GALNT12: variants seen among roughly 807,000 people sequenced by gnomAD.
The protein encoded by GALNT12 is polypeptide N-acetylgalactosaminyltransferase 12, also known as UDP-GalNAc:polypeptide N-acetylgalactosaminyltransferase 12.
GALNT12 carries 45 observed loss-of-function variants against 55.5 expected under a neutral mutation model. The ratio of observed to expected loss-of-function variants is 0.81; its 90% CI spans 0.64 to 1.04. The LOEUF (loss-of-function observed/expected upper bound fraction) is 1.04. GALNT12 is among the 50% of genes least tolerant of loss of function. The probability of loss-of-function intolerance (pLI) is 0.00; values close to 1 mark genes in which losing one functional copy is unlikely to be tolerated. For missense variants in GALNT12, 709 were observed against 754.8 expected (o/e 0.94, Z 0.71); for synonymous variants, 304 against 312.2 (o/e 0.97, Z 0.28).
At chr9:98,841,841 T>A (rs1223215760) in intron 7 of GALNT12, among the ~76,000 whole-genome samples, 1 of 151,792 alleles carries the variant, frequency 6.6e-6, no homozygotes, top group Non-Finnish European at 1.5e-5. Context: ...TGGCTAATTT[T>A]TTTTTTTTGT....
chr9:98,838,170 T>A (rs1836198871), intron 6 of GALNT12, among the ~76,000 whole-genome samples: 1 of 152,232 alleles, frequency 6.6e-6, no homozygotes. Flanking sequence ...GTTAGCACCC[T>A]GGAAGCTTCC....
intron 3 of GALNT12, among the ~76,000 whole-genome samples, chr9:98,827,804 T>C (rs1328908016): frequency 6.6e-6 from 1 of 152,204 alleles, no homozygotes; most frequent in African/African-American, 2.4e-5. Context: ...TGCTTTTTAA[T>C]ATGTCTGGTT....
At chr9:98,848,682 T>C in intron 9 of GALNT12, 1 of 495,040 alleles carries the variant, frequency 2.0e-6, no homozygotes, top group Non-Finnish European at 3.7e-6. Flanking sequence ...GGAAGCCAAA[T>C]GCAATAGGGA....
intron 1 of GALNT12, among the ~76,000 whole-genome samples, chr9:98,816,389 G>GA (rs11423472): frequency 0.66 from 86,651 of 130,858 alleles, 27,527 homozygotes; most frequent in African/African-American, 0.75. Context: ...ATTAAAAAAA[G>GA]AAAAAAAAAA....
At chr9:98,845,931 C>T (rs927896334) in intron 8 of GALNT12, 46 bp from the exon 9 acceptor site, 3 of 1,606,120 alleles carry the variant, frequency 1.9e-6, no homozygotes, top group East Asian at 4.5e-5. Flanking sequence ...CCTCTTCCCA[C>T]ATCAGTGGAA....
rs1836252086 is a variant in GALNT12 at position 98,840,130 on chromosome 9, G to T, written c.1341G>T (p.Gly447=). The T allele has an allele frequency of 6.2e-7, 1 of 1,613,262 alleles. No homozygotes were observed. Residue 447 remains glycine, a synonymous_variant, in exon 7 of 10, where the codon GGG becomes GGT. Transcript: ENST00000375011. ...CTGAGGACAGGCCTGGCTTCTTCGGGATGGTGAGTGAGGGTGGTGGGCCCA... is the reference window on the plus strand; with the variant it reads ...CTGAGGACAGGCCTGGCTTCTTCGGTATGGTGAGTGAGGGTGGTGGGCCCA... The part of the protein sequence containing the change: ...HVPEDRPGFF[G]MLQNKGLTDY...
chr9:98,818,398 T>C (rs1243889996), intron 1 of GALNT12, among the ~76,000 whole-genome samples: 1 of 152,142 alleles, frequency 6.6e-6, no homozygotes, highest in African/African-American at 2.4e-5. Flanking sequence ...AATTTTTTTG[T>C]ATTTTTAGTA....
intron 1 of GALNT12, among the ~76,000 whole-genome samples, chr9:98,811,363 G>A (rs916359950): frequency 1.3e-5 from 2 of 152,158 alleles, no homozygotes; most frequent in Non-Finnish European, 2.9e-5. Context: ...CATAGAATAC[G>A]GGGAACTTGA....
At position 98,826,803 on chromosome 9, in the gene GALNT12, G is replaced by T. The variant is rs1247073303; in HGVS notation, c.593G>T (p.Arg198Leu). The stretch of plus-strand genomic sequence containing the variant: ...GAGCTTTCGGGACTGCCCAAGGTGC[G>T]CCTGATCCGCGCCAACAAGAGAGAG... The part of the protein sequence containing the change: ...ANELSGLPKV[R>L]LIRANKREGL... The change falls in exon 3 of 10, where the codon CGC becomes CTC. Residue 198 changes from arginine (R) to leucine (L), a missense_variant. By Grantham distance (102) the Arg-to-Leu change is moderately radical (BLOSUM62 -2). Around this residue, in one of 5 missense-constraint regions of GALNT12, gnomAD observed 315 missense variants for 288.6 expected, o/e 1.09. Transcript: ENST00000375011. The T allele has an allele frequency of 1.9e-6, 3 of 1,611,946 alleles. No individual in the cohort carries two copies. The highest frequency in any genetic ancestry group is 2.2e-5 in the East Asian group (1 of 44,878).
At chr9:98,846,294 G>T (rs1292916115) in intron 9 of GALNT12, among the ~76,000 whole-genome samples, 171 bp downstream of exon 9, 3 of 152,144 alleles carry the variant, frequency 2.0e-5, no homozygotes, top group Non-Finnish European at 2.9e-5. Context: ...CTGGGGGGCG[G>T]TGATGGCAGG....
At chr9:98,831,180 A>G (rs1835984322) in intron 3 of GALNT12, among the ~76,000 whole-genome samples, 1 of 152,218 alleles carries the variant, frequency 6.6e-6, no homozygotes, top group Non-Finnish European at 1.5e-5. Flanking sequence ...AACAAACATT[A>G]AAATAAAAAA....
Position 98,845,981 on chromosome 9 carries a change from T to G in GALNT12, c.1463T>G (p.Phe488Cys), listed in dbSNP as rs1272025858. ...TGTTGGCTGCCCCATTTTTAGTTTT[T>G]CGAGTACACGTCCCAGAAAGAAATA... ...LCHGMGQNQF[F>C]EYTSQKEIRY... Residue 488 changes from phenylalanine to cysteine, a missense_variant, in exon 9 of 10, where the codon TTC (phenylalanine) becomes TGC (cysteine). By Grantham distance (205) the Phe-to-Cys change is radical (BLOSUM62 -2). Transcript: ENST00000375011. 5.6e-6 allele frequency: 9 copies of G among 1,614,140 alleles called. No homozygotes were observed. The highest frequency in any genetic ancestry group is 7.6e-6 in the Non-Finnish European group (9 of 1,180,014).
intron 9 of GALNT12, among the ~76,000 whole-genome samples, chr9:98,846,536 T>C (rs1564264141): frequency 6.6e-6 from 1 of 151,994 alleles, no homozygotes; most frequent in East Asian, 1.9e-4. Context: ...CCACCCCACC[T>C]CTCTAAGCCT....
intron 2 of GALNT12, 128 bp from the exon 3 acceptor site, chr9:98,826,624 G>A: frequency 3.2e-6 from 3 of 951,760 alleles, no homozygotes; most frequent in Non-Finnish European, 4.9e-6. Context: ...CCAGGTGGCA[G>A]AGCAAAGGAG....
rs1232659217 is a variant in GALNT12, at chr9:98,807,682, C to A, written c.-17C>A. 1.8e-6 allele frequency: 2 copies of A among 1,123,330 alleles called. No homozygotes were observed. Among genetic ancestry groups the A allele is most frequent in the Non-Finnish European group, 2.2e-6 (2 of 920,750 alleles). 69.6% of individuals were successfully genotyped at this position (1,123,330 alleles called of 1,614,324 possible). On this transcript the variant is annotated 5_prime_UTR_variant, in exon 1 of 10. In the 5' UTR this introduces an upstream ATG that the reference lacks. Coordinates refer to ENST00000375011, the MANE Select transcript of GALNT12 (RefSeq NM_024642.5). ...CGCCTTGGGGCGCGCAGATCGCTGG[C>A]TGCAGTTGGCGGGCGCATGTGGGGG...
Position 98,834,051 on chromosome 9 carries a change from G to A in GALNT12, c.918-1198G>A, listed in dbSNP as rs963244207. Among the ~76,000 whole-genome samples the A allele has an allele frequency of 4.5e-4, 68 of 152,184 alleles. 1 individual carries two copies. The highest frequency in any genetic ancestry group is 1.6e-3 in the African/African-American group (66 of 41,534). On this transcript the variant is annotated intron_variant, in intron 4 of 9. Transcript: ENST00000375011. ...GTCTTCTCAGTTGGCCCCATGCTTG[G>A]AGTCCAGGGCAGGCCCCGATGCTGC...
rs745821987 is a variant in GALNT12, at chr9:98,840,089, C to A, written c.1300C>A (p.Pro434Thr). The part of the protein sequence containing the change: ...DFKWFLETVY[P>T]ELHVPEDRPG... ...CAAGTGGTTCTTGGAGACTGTGTAT[C>A]CAGAACTGCATGTGCCTGAGGACAG... is the stretch of plus-strand genomic sequence containing the variant. The change falls in exon 7 of 10, where the codon CCA becomes ACA. Residue 434 changes from proline to threonine, a missense_variant. Pro to Thr is a conservative substitution (Grantham distance 38). Coordinates refer to ENST00000375011, the MANE Select transcript of GALNT12 (RefSeq NM_024642.5). 7 of 1,614,018 alleles carry A rather than the reference C, an allele frequency of 4.3e-6. No individual in the cohort carries two copies. In the East Asian group the frequency reaches 1.3e-4, roughly 31 times the overall value.
chr9:98,842,595 C>G (rs1257933172), intron 7 of GALNT12, among the ~76,000 whole-genome samples: 1 of 152,080 alleles, frequency 6.6e-6, no homozygotes, highest in African/African-American at 2.4e-5. Context: ...TGATAGCCTC[C>G]TTGATTCTGG....
chr9:98,834,726 G>A (rs934589222), intron 4 of GALNT12, among the ~76,000 whole-genome samples: 2 of 152,208 alleles, frequency 1.3e-5, no homozygotes, highest in Non-Finnish European at 2.9e-5. Context: ...TGCCTGCCTT[G>A]TGAGATCACA....
Sources: gnomAD v4.1 joint callset for allele counts (sites outside exome capture counted in the v4.1 genomes callset) on GRCh38, gnomAD v4.1.1 for gene constraint, gnomAD v4.1.1 regional missense constraint, MANE v1.5 for transcripts, NCBI Gene and HGNC (gene_info 2026-07-23, HGNC 2026-07-21) for gene names.